ROBO2: variants seen among roughly 807,000 people sequenced by gnomAD.
ROBO2 encodes roundabout homolog 2.
Under a neutral mutation model 160.8 loss-of-function variants are expected in ROBO2, and 53 were observed. The observed-to-expected ratio is 0.33, with a 90% CI of 0.26 to 0.41. The LOEUF (loss-of-function observed/expected upper bound fraction) is 0.41, where lower values mean the gene tolerates loss of function less well. ROBO2 is among the 10% of genes least tolerant of loss of function. The pLI is 1.00. For missense variants in ROBO2, 1,577 were observed against 1,722.4 expected, an observed-to-expected ratio of 0.92 and a Z score of 1.49; for synonymous variants, 664 against 611.7, an observed-to-expected ratio of 1.09 and a Z score of -1.26.
At chr3:77,021,858 G>A (rs2062657135) in intron 2 of ROBO2, among the ~76,000 whole-genome samples, 1 of 152,146 alleles carries the variant, frequency 6.6e-6, no homozygotes, top group Non-Finnish European at 1.5e-5. Context: ...TCCACTGTCA[G>A]AGGACTAAGC....
At chr3:76,913,926 G>A (rs902979454) in intron 2 of ROBO2, among the ~76,000 whole-genome samples, 1 of 149,850 alleles carries the variant, frequency 6.7e-6, no homozygotes, top group Non-Finnish European at 1.5e-5. Flanking sequence ...CTTTAGAGGA[G>A]TAACTGTGAA....
chr3:77,431,140 G>A (rs2078729027), intron 2 of ROBO2, among the ~76,000 whole-genome samples: 1 of 152,184 alleles, frequency 6.6e-6, no homozygotes, highest in Non-Finnish European at 1.5e-5. Context: ...TGAGCATTTA[G>A]CAATTGGCTC....
chr3:77,622,139 G>A, intron 22 of ROBO2, 88 bp from the exon 24 acceptor site: 1 of 1,166,670 alleles, frequency 8.6e-7, no homozygotes, highest in Non-Finnish European at 1.3e-6. Context: ...GACAGTATGA[G>A]TTACTATAGC....
intron 2 of ROBO2, among the ~76,000 whole-genome samples, chr3:76,159,792 G>T (rs2072550794): frequency 6.6e-6 from 1 of 152,070 alleles, no homozygotes; most frequent in Non-Finnish European, 1.5e-5. Context: ...AAAGAAATAG[G>T]AATTGAGCCT....
intron 2 of ROBO2, among the ~76,000 whole-genome samples, chr3:75,992,298 C>T (rs966340783): frequency 1.3e-5 from 2 of 152,118 alleles, no homozygotes; most frequent in South Asian, 2.1e-4. Flanking sequence ...GCTCAGGATC[C>T]CTCTCCTGTG....
chr3:77,264,310 T>C lies in ROBO2; in HGVS notation c.388+165970T>C, dbSNP rs148531159. Among the ~76,000 whole-genome samples the C allele has an allele frequency of 3.9e-5, 6 of 152,314 alleles. No individual in the cohort carries two copies. The East Asian group carries it at 1.2e-3, about 29-fold the overall frequency. On this transcript the variant is annotated intron_variant, in intron 2 of 25. Transcript: ENST00000461745. ...GAGAAATTTCACTTTTCACCTTTGT[T>C]GGTCTTATTTTTTTAACAACTCCTG... is the stretch of plus-strand genomic sequence containing the variant.
intron 7 of ROBO2, among the ~76,000 whole-genome samples, chr3:77,548,751 T>C (rs2092798732): frequency 6.6e-6 from 1 of 151,036 alleles, no homozygotes; most frequent in East Asian, 2.0e-4. Context: ...CTCTCTCCCA[T>C]CAGAGAGATA....
rs536296049 is a variant in ROBO2 at position 76,903,258 on chromosome 3, A to G, written c.110-194756A>G. Among the ~76,000 whole-genome samples the G allele has an allele frequency of 2.1e-4, 32 of 152,270 alleles. No individual in the cohort carries two copies. In the South Asian group the frequency reaches 4.6e-3, roughly 22 times the overall value. ...TTTCTCTTAACCTGTTTTTAGTACC[A>G]TCTTTATCACATTATAAGTTATATT... On this transcript the variant is annotated intron_variant, in intron 2 of 26. Coordinates refer to the ROBO2 transcript ENST00000487694.
chr3:76,220,348 C>CA (rs1042480836), intron 2 of ROBO2, among the ~76,000 whole-genome samples: 102 of 146,566 alleles, frequency 7.0e-4, no homozygotes, highest in East Asian at 4.4e-3. Flanking sequence ...AAAGAGAAAA[C>CA]AAAAAAAAAA....
intron 2 of ROBO2, among the ~76,000 whole-genome samples, chr3:76,955,503 G>C (rs928261297): frequency 2.2e-4 from 33 of 152,120 alleles, no homozygotes; most frequent in African/African-American, 7.7e-4. Context: ...CCACATCCTT[G>C]CCAAAACTTG....
At position 76,808,134 on chromosome 3, in the gene ROBO2, A is replaced by G. The variant is rs149694769; in HGVS notation, c.110-289880A>G. On this transcript the variant is annotated intron_variant, in intron 2 of 26. Transcript: ENST00000487694. ...TGATGAATATATAATATTACTTAGAATTATTATACAAAAGTACAATATCCA... is the reference window on the plus strand; with the variant it reads ...TGATGAATATATAATATTACTTAGAGTTATTATACAAAAGTACAATATCCA... Among the ~76,000 whole-genome samples, 290 of 152,246 alleles carry G rather than the reference A, an allele frequency of 1.9e-3. 1 individual carries two copies. Among genetic ancestry groups the G allele is most frequent in the African/African-American group, 6.8e-3 (281 of 41,560 alleles).
At chr3:76,885,067 C>T (rs1249923753) in intron 2 of ROBO2, among the ~76,000 whole-genome samples, 1 of 151,930 alleles carries the variant, frequency 6.6e-6, no homozygotes, top group Non-Finnish European at 1.5e-5. Flanking sequence ...ATAGAAGGGA[C>T]GTCTGAATGA....
intron 2 of ROBO2, among the ~76,000 whole-genome samples, chr3:77,215,870 C>A (rs1257844779): frequency 6.6e-6 from 1 of 152,216 alleles, no homozygotes; most frequent in Non-Finnish European, 1.5e-5. Context: ...GCCTAGGTAT[C>A]AGCAGCGGAG....
chr3:77,320,810 T>C (rs2064605331), intron 2 of ROBO2, among the ~76,000 whole-genome samples: 1 of 152,218 alleles, frequency 6.6e-6, no homozygotes, highest in South Asian at 2.1e-4. Context: ...TTTTTTGTTA[T>C]CTCTTTTTAA....
At chr3:76,057,394 G>A (rs926535549) in intron 2 of ROBO2, among the ~76,000 whole-genome samples, 8 of 152,132 alleles carry the variant, frequency 5.3e-5, no homozygotes, top group East Asian at 1.9e-4. Context: ...TAGAATCTTC[G>A]GAAGGTTAGA....
intron 2 of ROBO2, among the ~76,000 whole-genome samples, chr3:76,307,699 CTG>C (rs1248370384): frequency 6.6e-6 from 1 of 152,070 alleles, no homozygotes; most frequent in Non-Finnish European, 1.5e-5. Flanking sequence ...ATAACAAAAA[CTG>C]GGGCTGTGCA....
At chr3:77,434,132 A>G (rs1344564515) in intron 2 of ROBO2, among the ~76,000 whole-genome samples, 1 of 152,028 alleles carries the variant, frequency 6.6e-6, no homozygotes, top group African/African-American at 2.4e-5. Context: ...AAGACCCTGC[A>G]TTATCTCTTC....
rs77261066 is a variant in ROBO2 at position 77,626,996 on chromosome 3, T to A, written c.3760+4564T>A. ...CACTAAAATATTTGACCTGAAACTT[T>A]GCTTTTCTACAAAACTTAAAGGAAA... On this transcript the variant is annotated intron_variant, in intron 23 of 25. Coordinates refer to ENST00000461745, the Ensembl canonical transcript of ROBO2. Among the ~76,000 whole-genome samples the A allele has an allele frequency of 5.6e-4, 86 of 152,302 alleles. 2 individuals are homozygous for A. The East Asian group carries it at 0.013, about 23-fold the overall frequency.
intron 2 of ROBO2, among the ~76,000 whole-genome samples, chr3:77,332,200 A>G (rs2066043043): frequency 6.6e-6 from 1 of 152,232 alleles, no homozygotes; most frequent in Non-Finnish European, 1.5e-5. Context: ...CTATTGCCTA[A>G]TACTTTCAAA....
Sources: allele counts gnomAD v4.1 joint callset (sites outside exome capture counted in the v4.1 genomes callset), GRCh38; gene constraint gnomAD v4.1.1; transcripts MANE v1.5; gene names NCBI Gene and HGNC (gene_info 2026-07-23, HGNC 2026-07-21).